Variants in NXN observed in about 807,000 individuals in gnomAD.
The protein encoded by NXN is nucleoredoxin, also known as nucleoredoxin 1.
NXN carries 16 observed loss-of-function variants against 48.6 expected under a neutral mutation model. The observed-to-expected ratio is 0.33, with a 90% confidence interval of 0.22 to 0.50. NXN has a LOEUF of 0.50. Ranked by LOEUF, NXN falls within the 20% of genes least tolerant of loss-of-function variation. The pLI is 0.98. For missense variants in NXN, 492 were observed against 605.5 expected, an observed-to-expected ratio of 0.81 and a Z score of 1.97; for synonymous variants, 281 against 269.6, an observed-to-expected ratio of 1.04 and a Z score of -0.41.
At chr17:944,906 A>C (rs2069024766) in intron 1 of NXN, among the ~76,000 whole-genome samples, 1 of 152,106 alleles carries the variant, frequency 6.6e-6, no homozygotes, top group African/African-American at 2.4e-5. Context: ...CAAACCGTGG[A>C]ACACCTACGA....
At chr17:911,656 G>A (rs530576598) in intron 1 of NXN, among the ~76,000 whole-genome samples, 1 of 150,574 alleles carries the variant, frequency 6.6e-6, no homozygotes, top group South Asian at 2.1e-4. Context: ...TAGAGATGAG[G>A]TTTCTTTCAC....
intron 1 of NXN, among the ~76,000 whole-genome samples, chr17:832,995 A>G (rs1490069181): frequency 1.3e-5 from 2 of 151,964 alleles, no homozygotes; most frequent in African/African-American, 4.8e-5. Context: ...GGTTCACACC[A>G]TTCTCCTGCC....
At chr17:826,161 G>T (rs1312686437) in intron 1 of NXN, 83 bp from the exon 2 acceptor site, 5 of 899,410 alleles carry the variant, frequency 5.6e-6, no homozygotes, top group Non-Finnish European at 7.6e-6. Context: ...AGGTCTGGAG[G>T]CTGGATGAAC....
In NXN at chr17:847,118, A is replaced by T. The variant is rs1334996581; in HGVS notation, c.361-21040T>A. ...GAAGTGTGGTTGGTGGGAACCACGG[A>T]GATGTTTGTCATCTCGGCACCGTCC... is the stretch of plus-strand genomic sequence containing the variant. On this transcript the variant is annotated intron_variant, in intron 1 of 7. Coordinates refer to ENST00000336868, the MANE Select transcript of NXN (RefSeq NM_022463.5). 5.9e-5 allele frequency among the ~76,000 whole-genome samples: 9 copies of T among 152,068 alleles called. No homozygotes were observed. In the East Asian group the frequency reaches 1.7e-3, roughly 29 times the overall value.
intron 5 of NXN, among the ~76,000 whole-genome samples, chr17:808,531 G>C (rs1286016042): frequency 6.6e-6 from 1 of 152,060 alleles, no homozygotes; most frequent in African/African-American, 2.4e-5. Context: ...CCGACCTCAG[G>C]TGATCCGCCC....
At chr17:931,005 A>G (rs1212591095) in intron 1 of NXN, among the ~76,000 whole-genome samples, 2 of 152,096 alleles carry the variant, frequency 1.3e-5, no homozygotes, top group African/African-American at 4.8e-5. Context: ...TCCTGACCTC[A>G]TGATCCGCCC....
intron 1 of NXN, among the ~76,000 whole-genome samples, chr17:944,483 A>C (rs2069020819): frequency 6.6e-6 from 1 of 152,186 alleles, no homozygotes; most frequent in African/African-American, 2.4e-5. Context: ...CGCTGTGTTC[A>C]CCAAGCGTGG....
chr17:836,011 C>A (rs1215744510), intron 1 of NXN, among the ~76,000 whole-genome samples: 1 of 66,056 alleles, frequency 1.5e-5, no homozygotes, highest in Non-Finnish European at 2.9e-5. Context: ...CGGTGGGATT[C>A]GTCAGCCCCC....
At chr17:911,390 A>G (rs1396968112) in intron 1 of NXN, among the ~76,000 whole-genome samples, 1 of 128,632 alleles carries the variant, frequency 7.8e-6, no homozygotes, top group Non-Finnish European at 1.5e-5. Flanking sequence ...CCCAGGCTGG[A>G]GTGCAGTGGC....
rs541179807 is a variant in NXN at position 917,519 on chromosome 17, T to C, written c.360+61800A>G. On this transcript the variant is annotated intron_variant, in intron 1 of 7. Coordinates refer to ENST00000336868, the MANE Select transcript of NXN (RefSeq NM_022463.5). The surrounding 1 kb of genome is among the most constrained non-coding windows in gnomAD (Gnocchi z 4.5). ...GTGGAAACCACACCAGCTCCTCCTCTTCCTTCTGGACCTGCTGTCCCACCC... is the reference window on the plus strand; with the variant it reads ...GTGGAAACCACACCAGCTCCTCCTCCTCCTTCTGGACCTGCTGTCCCACCC... Among the ~76,000 whole-genome samples the C allele has an allele frequency of 2.6e-4, 39 of 152,196 alleles. No individual in the cohort carries two copies. The highest frequency in any genetic ancestry group is 5.1e-4 in the Non-Finnish European group (35 of 68,030).
At chr17:970,649 TGTGA>T (rs1169310227) in intron 1 of NXN, among the ~76,000 whole-genome samples, 1 of 152,144 alleles carries the variant, frequency 6.6e-6, no homozygotes, top group African/African-American at 2.4e-5. Context: ...GAACGTTTGA[TGTGA>T]GTATTTTTTA....
Position 925,481 on chromosome 17 carries a change from C to T in NXN, c.360+53838G>A, listed in dbSNP as rs144896226. ...TCAGCTCACTGCAACCTCCGCCTCC[C>T]GGGTTCAAGCGATTCTCCTGCCTCA... On this transcript the variant is annotated intron_variant, in intron 1 of 7. Transcript: ENST00000336868. 3.9e-5 allele frequency among the ~76,000 whole-genome samples: 6 copies of T among 152,298 alleles called. No homozygotes were observed. In the East Asian group the frequency reaches 5.8e-4, roughly 15 times the overall value.
At chr17:812,617 TGTAG>T (rs761597341) in intron 5 of NXN, among the ~76,000 whole-genome samples, 10 of 148,746 alleles carry the variant, frequency 6.7e-5, no homozygotes, top group Non-Finnish European at 1.2e-4. Context: ...ATTGTGTGAG[TGTAG>T]GTGAGTGTAG....
Position 863,816 on chromosome 17 carries a change from C to A in NXN, c.361-37738G>T, listed in dbSNP as rs1177043571. The stretch of plus-strand genomic sequence containing the variant: ...TGAAAAAAGTCCACATACAAATGGA[C>A]CCTTGCAATTCAAATCCACGTCATT... On this transcript the variant is annotated intron_variant, in intron 1 of 7. Transcript: ENST00000336868. 6.7e-6 allele frequency: 5 copies of A among 746,584 alleles called. No individual in the cohort carries two copies. The South Asian group carries it at 8.7e-5, about 13-fold the overall frequency. 46.2% of individuals were successfully genotyped at this position (746,584 alleles called of 1,614,324 possible).
intron 1 of NXN, among the ~76,000 whole-genome samples, chr17:897,886 G>A (rs56916695): frequency 0.045 from 6,794 of 152,200 alleles, 269 homozygotes; most frequent in African/African-American, 0.11. Flanking sequence ...TCACCGTGTT[G>A]GCCAGGCTGG....
At chr17:911,999 G>A (rs1373854164) in intron 1 of NXN, among the ~76,000 whole-genome samples, 2 of 149,990 alleles carry the variant, frequency 1.3e-5, no homozygotes, top group Admixed American at 6.7e-5. Context: ...GTACAGTGGC[G>A]CGATCTCGGC....
At chr17:870,620 T>C (rs570849602) in intron 1 of NXN, among the ~76,000 whole-genome samples, 1 of 152,022 alleles carries the variant, frequency 6.6e-6, no homozygotes, top group African/African-American at 2.4e-5. Flanking sequence ...CCAGGTGTGG[T>C]GTCCCGTGCC....
At chr17:869,867 C>T (rs1036501585) in intron 1 of NXN, among the ~76,000 whole-genome samples, 1 of 152,166 alleles carries the variant, frequency 6.6e-6, no homozygotes, top group African/African-American at 2.4e-5. Context: ...GGTTAAGAAC[C>T]GCTGACCTGC....
At chr17:949,735 C>A (rs79619722) in intron 1 of NXN, among the ~76,000 whole-genome samples, 3 of 144,000 alleles carry the variant, frequency 2.1e-5, no homozygotes, top group Non-Finnish European at 4.5e-5. Context: ...CCTCTCCCCG[C>A]GGGCCTCCTC....
Sources: allele counts gnomAD v4.1 joint callset (sites outside exome capture counted in the v4.1 genomes callset), GRCh38; gene constraint gnomAD v4.1.1; non-coding constraint Gnocchi (gnomAD v3.1); transcripts MANE v1.5; gene names NCBI Gene and HGNC (gene_info 2026-07-23, HGNC 2026-07-21).